RPS6KA6: variants seen among roughly 807,000 people sequenced by gnomAD.
RPS6KA6 encodes ribosomal protein S6 kinase A6, also known as ribosomal protein S6 kinase alpha-6.
In RPS6KA6, 27 loss-of-function variants were observed where a neutral mutation model predicts 65.4. The ratio of observed to expected loss-of-function variants is 0.41; its 90% CI spans 0.30 to 0.57. The LOEUF (loss-of-function observed/expected upper bound fraction) is 0.57, where lower values mean the gene tolerates loss of function less well. Among genes scored for constraint, RPS6KA6 ranks in the 20% least tolerant of loss-of-function variants. The probability of loss-of-function intolerance (pLI) is 0.24; values close to 1 mark genes in which losing one functional copy is unlikely to be tolerated. For synonymous variants in RPS6KA6, 190 were observed against 184.2 expected, an observed-to-expected ratio of 1.03 and a Z score of -0.26; for missense variants, 486 against 555.6, an observed-to-expected ratio of 0.87 and a Z score of 1.26.
intron 6 of RPS6KA6, among the ~76,000 whole-genome samples, chrX:84,136,972 C>G (rs1289877080): frequency 1.8e-5 from 2 of 111,904 alleles, no homozygotes; most frequent in African/African-American, 6.5e-5. Flanking sequence ...CTGCCACATG[C>G]TGTGATGCAA....
chrX:84,125,715 G>A (rs2034769767), intron 8 of RPS6KA6, among the ~76,000 whole-genome samples: 1 of 110,702 alleles, frequency 9.0e-6, no homozygotes, highest in African/African-American at 3.3e-5. Flanking sequence ...TTAGCCAGGT[G>A]TGGTGGCAGG....
intron 8 of RPS6KA6, among the ~76,000 whole-genome samples, chrX:84,124,533 C>T (rs1448910800): frequency 9.0e-6 from 1 of 110,504 alleles, no homozygotes; most frequent in African/African-American, 3.3e-5. Flanking sequence ...GAATGCATGA[C>T]AGTCTCTTAA....
At chrX:84,130,070 T>C (rs2034869465) in intron 8 of RPS6KA6, among the ~76,000 whole-genome samples, 1 of 111,548 alleles carries the variant, frequency 9.0e-6, no homozygotes, top group African/African-American at 3.3e-5. Context: ...ATGTGATTAT[T>C]AGGCATTGCA....
rs547645502 is a variant in RPS6KA6 at position 84,120,767 on chromosome X, T to A, written c.647-740A>T. Among the ~76,000 whole-genome samples, 10 of 111,883 alleles carry A rather than the reference T, an allele frequency of 8.9e-5. No homozygotes were observed. The South Asian group carries it at 3.3e-3, about 37-fold the overall frequency. ...ATATACCAATTCAATGAAACTTCAA[T>A]AAAATCCCAGCAAAATTTCTTTTGT... On this transcript the variant is annotated intron_variant, in intron 8 of 21. Transcript: ENST00000262752.
intron 1 of RPS6KA6, among the ~76,000 whole-genome samples, chrX:84,179,056 C>G (rs1190284157): frequency 9.0e-6 from 1 of 111,116 alleles, no homozygotes; most frequent in Non-Finnish European, 1.9e-5. Context: ...AAAGAACTCT[C>G]AAAATTCAAT....
intron 20 of RPS6KA6, among the ~76,000 whole-genome samples, chrX:84,092,578 C>T (rs1477398082): frequency 1.8e-5 from 2 of 108,789 alleles, no homozygotes; most frequent in South Asian, 4.1e-4. Flanking sequence ...GCCGAGGTCA[C>T]GCCACTGCAC....
rs1292578230 is a variant in RPS6KA6 at position 84,097,831 on chromosome X, T to A, written c.1794A>T (p.Gly598=). The A allele has an allele frequency of 8.4e-7, 1 of 1,191,569 alleles. No homozygotes were observed. The highest frequency in any genetic ancestry group is 1.1e-6 in the Non-Finnish European group (1 of 879,594). ...FVAPEVLMQQ[G]YDAACDIWSL... ...TCCAGATATCACAAGCAGCATCATATCCCTGTTGCATAAGAACCTAAGAAA... is the reference window on the plus strand; with the variant it reads ...TCCAGATATCACAAGCAGCATCATAACCCTGTTGCATAAGAACCTAAGAAA... Residue 598 remains glycine (G), a synonymous_variant, in exon 19 of 22, where the codon GGA becomes GGT. Coordinates refer to ENST00000262752, the MANE Select transcript of RPS6KA6 (RefSeq NM_014496.5).
intron 21 of RPS6KA6, 79 bp downstream of exon 21, chrX:84,064,888 TTAAG>T (rs748795418): frequency 4.0e-5 from 27 of 677,623 alleles, no homozygotes; most frequent in Non-Finnish European, 4.4e-5. Flanking sequence ...AAGGAATTAT[TTAAG>T]TGTCATCAGC....
At position 84,106,430 on chromosome X, in the gene RPS6KA6, C is replaced by T; in HGVS notation, c.1300G>A (p.Val434Ile). Residue 434 changes from valine to isoleucine, a missense_variant, in exon 15 of 22, where the codon GTT (valine) becomes ATT (isoleucine). Transcript: ENST00000262752. Reference protein sequence around the residue: ...EVYELKEDIGVGSYSVCKRCI... With the variant: ...EVYELKEDIGIGSYSVCKRCI... The stretch of plus-strand genomic sequence containing the variant: ...CGCTTGCAAACAGAGTAGGAGCCAA[C>T]ACCAATATCCTCCTTCAATTCATAT... 2 of 1,175,962 alleles carry T rather than the reference C, an allele frequency of 1.7e-6. No individual in the cohort carries two copies. The highest frequency in any genetic ancestry group is 2.3e-6 in the Non-Finnish European group (2 of 866,568).
At chrX:84,081,385 C>G in intron 20 of RPS6KA6, among the ~76,000 whole-genome samples, 1 of 111,467 alleles carries the variant, frequency 9.0e-6, no homozygotes, top group Non-Finnish European at 1.9e-5. Flanking sequence ...AGAGAAATTC[C>G]TGGAAACATA....
intron 21 of RPS6KA6, 96 bp from the exon 22 acceptor site, chrX:84,064,498 C>T: frequency 1.2e-6 from 1 of 804,074 alleles, no homozygotes. Context: ...ATATCTAGAA[C>T]AAAATGTTTT....
intron 20 of RPS6KA6, among the ~76,000 whole-genome samples, chrX:84,084,423 G>A (rs1467131089): frequency 8.9e-6 from 1 of 111,948 alleles, no homozygotes; most frequent in African/African-American, 3.3e-5. Flanking sequence ...TCAATTTTCT[G>A]CATATGGCTA....
At chrX:84,097,700 C>G (rs1240479163) in intron 19 of RPS6KA6, 72 bp downstream of exon 19, 1 of 612,983 alleles carries the variant, frequency 1.6e-6, no homozygotes, top group Non-Finnish European at 2.6e-6. Flanking sequence ...TTAATCTATT[C>G]TCTTTCTAGA....
chrX:84,120,669 T>G (rs1216346287), intron 8 of RPS6KA6, among the ~76,000 whole-genome samples: 1 of 111,355 alleles, frequency 9.0e-6, no homozygotes, highest in Non-Finnish European at 1.9e-5. Flanking sequence ...TAGACCTAAA[T>G]AAATGGGAAG....
Position 84,135,233 on chromosome X carries a change from C to T in RPS6KA6, c.502-23G>A, listed in dbSNP as rs2034971366. 5 of 1,014,768 alleles carry T rather than the reference C, an allele frequency of 4.9e-6. No individual in the cohort carries two copies. The African/African-American group carries it at 9.4e-5, about 19-fold the overall frequency. 83.6% of individuals were successfully genotyped at this position (1,014,768 alleles called of 1,213,427 possible). ...AACCTAGAACAAAATAATGATTTAT[C>T]ATTTGATCTTTCTTTCAATATTCAG... On this transcript the variant is annotated intron_variant, in intron 6 of 21. Coordinates refer to ENST00000262752, the MANE Select transcript of RPS6KA6 (RefSeq NM_014496.5).
intron 3 of RPS6KA6, among the ~76,000 whole-genome samples, chrX:84,151,694 T>C (rs758830949): frequency 1.3e-4 from 14 of 111,589 alleles, no homozygotes; most frequent in Non-Finnish European, 2.3e-4. Flanking sequence ...GTACTTCCTA[T>C]TTCATCGCAT....
Position 84,063,405 on chromosome X carries a change from AT to A in RPS6KA6, c.*871del, listed in dbSNP as rs1401133279. On this transcript the variant is annotated 3_prime_UTR_variant, in exon 22 of 22. Transcript: ENST00000262752. Reference sequence around the variant, plus strand: ...GGGGATAGATGATGATTACAATCCAATTGGTTAACTTGAAAGTCAGTTTATA... The same window carrying A: ...GGGGATAGATGATGATTACAATCCAATGGTTAACTTGAAAGTCAGTTTATA... 9.0e-6 allele frequency: 1 copy of A among 111,319 alleles called. No individual in the cohort carries two copies. The highest frequency in any genetic ancestry group is 1.9e-5 in the Non-Finnish European group (1 of 52,965). 9.2% of individuals were successfully genotyped at this position (111,319 alleles called of 1,213,427 possible).
chrX:84,124,097 C>T (rs1202929246), intron 8 of RPS6KA6, among the ~76,000 whole-genome samples: 2 of 111,384 alleles, frequency 1.8e-5, no homozygotes, highest in Non-Finnish European at 3.8e-5. Context: ...CAATGGGGTA[C>T]CTCTAGGAGC....
chrX:84,156,383 C>T (rs994273546), intron 2 of RPS6KA6, among the ~76,000 whole-genome samples, 192 bp from the exon 3 acceptor site: 13 of 111,084 alleles, frequency 1.2e-4, no homozygotes, highest in African/African-American at 3.9e-4. Flanking sequence ...CACCACCTTC[C>T]CTACTACATA....
Sources: gnomAD v4.1 joint callset for allele counts (sites outside exome capture counted in the v4.1 genomes callset) on GRCh38, gnomAD v4.1.1 for gene constraint, MANE v1.5 for transcripts, NCBI Gene and HGNC (gene_info 2026-07-23, HGNC 2026-07-21) for gene names.